Variants in NMNAT2 observed in about 807,000 individuals in gnomAD.
The protein encoded by NMNAT2 is nicotinamide nucleotide adenylyltransferase 2.
Under a neutral mutation model 41.6 loss-of-function variants are expected in NMNAT2, and 11 were observed. The ratio of observed to expected loss-of-function variants is 0.26; its 90% CI spans 0.17 to 0.44. The LOEUF is 0.44. Ranked by LOEUF, NMNAT2 falls within the 20% of genes least tolerant of loss-of-function variation. The pLI is 1.00. For synonymous variants in NMNAT2, 148 were observed against 151.2 expected (o/e 0.98, Z 0.16); for missense variants, 288 against 407.7 (o/e 0.71, Z 2.53).
At chr1:183,258,329 G>A (rs1295159869) in intron 10 of NMNAT2, among the ~76,000 whole-genome samples, 1 of 152,128 alleles carries the variant, frequency 6.6e-6, no homozygotes, top group Non-Finnish European at 1.5e-5. Flanking sequence ...GATCTCACTG[G>A]AGACCAGCTC....
In NMNAT2 at chr1:183,389,873, G is replaced by A. The variant is rs868058410; in HGVS notation, c.85+28310C>T. ...AAAAGAGAAAGAAAGAAAGAAAGAA[G>A]GGAGGGAGGGAGGGAGGGAGGGAGG... On this transcript the variant is annotated intron_variant, in intron 1 of 10. Coordinates refer to ENST00000287713, the MANE Select transcript of NMNAT2 (RefSeq NM_015039.4). Among the ~76,000 whole-genome samples, 17 of 94,860 alleles carry A rather than the reference G, an allele frequency of 1.8e-4. No homozygotes were observed. The East Asian group carries it at 4.1e-3, about 23-fold the overall frequency. 62.2% of individuals were successfully genotyped at this position (94,860 alleles called of 152,430 possible). A position where few individuals can be genotyped will look rare whatever the true frequency, so the allele number is the denominator to read the frequency against.
At chr1:183,338,739 A>G (rs2811554) in intron 1 of NMNAT2, among the ~76,000 whole-genome samples, 2 of 151,904 alleles carry the variant, frequency 1.3e-5, no homozygotes, top group Non-Finnish European at 2.9e-5. Context: ...TTATTATTAA[A>G]CCCGGGACAT....
At chr1:183,339,120 T>C (rs868177494) in intron 1 of NMNAT2, among the ~76,000 whole-genome samples, 1 of 152,008 alleles carries the variant, frequency 6.6e-6, no homozygotes, top group African/African-American at 2.4e-5. Context: ...TTTTTTGAGA[T>C]GGAGTCTCGC....
chr1:183,330,640 C>A (rs1390678709), intron 1 of NMNAT2, among the ~76,000 whole-genome samples: 2 of 152,222 alleles, frequency 1.3e-5, no homozygotes, highest in African/African-American at 2.4e-5. Flanking sequence ...GCTATGCACG[C>A]CTCAGAAAGT....
chr1:183,286,120 G>C (rs907944063), intron 5 of NMNAT2, among the ~76,000 whole-genome samples: 31 of 152,242 alleles, frequency 2.0e-4, no homozygotes, highest in African/African-American at 7.2e-4. Context: ...TCCCAGGCTG[G>C]AGTACAGTGG....
chr1:183,407,839 G>C (rs891174624), intron 1 of NMNAT2, among the ~76,000 whole-genome samples: 5 of 152,196 alleles, frequency 3.3e-5, no homozygotes, highest in Non-Finnish European at 7.3e-5. Flanking sequence ...TTTAAAGAAG[G>C]AGGTAGCTAT....
Position 183,249,914 on chromosome 1 carries a change from A to G in NMNAT2, c.*2727T>C, listed in dbSNP as rs1340291662. 1 of 151,866 alleles carries G rather than the reference A, an allele frequency of 6.6e-6. No individual in the cohort carries two copies. The highest frequency in any genetic ancestry group is 2.4e-5 in the African/African-American group (1 of 41,318). The allele number at this position is 151,866 out of a possible 1,614,324, so 9.4% of individuals were successfully genotyped here. On this transcript the variant is annotated 3_prime_UTR_variant, in exon 11 of 11. Transcript: ENST00000287713. ...TGGCACCTGTTCTTTGTCTTAATTCATCTCACTTTCCCTCCCCACTCCCAC... is the reference window on the plus strand; with the variant it reads ...TGGCACCTGTTCTTTGTCTTAATTCGTCTCACTTTCCCTCCCCACTCCCAC...
At chr1:183,288,281 A>C (rs777161445) in intron 4 of NMNAT2, among the ~76,000 whole-genome samples, 2 of 151,962 alleles carry the variant, frequency 1.3e-5, no homozygotes, top group Non-Finnish European at 2.9e-5. Context: ...GATATTGGAG[A>C]GTTGTCCCAA....
chr1:183,388,337 G>T (rs549147183), intron 1 of NMNAT2, among the ~76,000 whole-genome samples: 4 of 152,218 alleles, frequency 2.6e-5, no homozygotes, highest in Admixed American at 6.5e-5. Flanking sequence ...TAGCAAACTG[G>T]GGGCAGAGTG....
chr1:183,274,046 G>A (rs1661062583), intron 8 of NMNAT2, among the ~76,000 whole-genome samples: 2 of 151,966 alleles, frequency 1.3e-5, no homozygotes, highest in South Asian at 4.2e-4. Context: ...CGGAGTAGCT[G>A]GGATTACAGG....
chr1:183,284,858 G>A lies in NMNAT2; in HGVS notation c.449-68C>T, dbSNP rs1299316923. 12 of 1,348,832 alleles carry A rather than the reference G, an allele frequency of 8.9e-6. No individual in the cohort carries two copies. The East Asian group carries it at 9.2e-5, about 10-fold the overall frequency. The allele number at this position is 1,348,832 out of a possible 1,614,324, so 83.6% of individuals were successfully genotyped here. The stretch of plus-strand genomic sequence containing the variant: ...ACAACTCACAACTGGCACTCATGTC[G>A]GCCCGGCATTGGGGCCGCTGTAAAC... On this transcript the variant is annotated intron_variant, in intron 5 of 10. Transcript: ENST00000287713.
In NMNAT2 at chr1:183,304,600, T is replaced by C. The variant is rs111993147; in HGVS notation, c.86-10807A>G. Reference sequence around the variant, plus strand: ...CTCCGCTGGAGACAGAATCCTGTTTTCTTGACCATCTGCACCTCCCTCCAG... The same window carrying C: ...CTCCGCTGGAGACAGAATCCTGTTTCCTTGACCATCTGCACCTCCCTCCAG... On this transcript the variant is annotated intron_variant, in intron 1 of 10. Transcript: ENST00000287713. 70 of 1,413,354 alleles carry C rather than the reference T, an allele frequency of 5.0e-5. No individual in the cohort carries two copies. The African/African-American group carries it at 7.5e-4, about 15-fold the overall frequency. The allele number at this position is 1,413,354 out of a possible 1,614,324, so 87.6% of individuals were successfully genotyped here. A position where few individuals can be genotyped will look rare whatever the true frequency, so the allele number is the denominator to read the frequency against.
At chr1:183,354,473 G>A (rs2102354575) in intron 1 of NMNAT2, among the ~76,000 whole-genome samples, 1 of 139,710 alleles carries the variant, frequency 7.2e-6, no homozygotes, top group Middle Eastern at 3.9e-3. Context: ...GTGCAGTGGT[G>A]TGATCATGGC....
At chr1:183,398,342 A>T (rs1648713808) in intron 1 of NMNAT2, among the ~76,000 whole-genome samples, 1 of 152,236 alleles carries the variant, frequency 6.6e-6, no homozygotes, top group Non-Finnish European at 1.5e-5. Context: ...AAAGGGATCA[A>T]TTCAACAAGA....
chr1:183,342,501 AC>A (rs1344292769), intron 1 of NMNAT2, among the ~76,000 whole-genome samples: 1 of 152,176 alleles, frequency 6.6e-6, no homozygotes, highest in African/African-American at 2.4e-5. Context: ...CTAAGAAGGA[AC>A]TAGATGATTC....
chr1:183,376,718 G>A (rs2101913682), intron 1 of NMNAT2, among the ~76,000 whole-genome samples: 1 of 152,266 alleles, frequency 6.6e-6, no homozygotes, highest in Admixed American at 6.5e-5. Flanking sequence ...TTAGGATCTT[G>A]AAGATGCATT....
Position 183,418,340 on chromosome 1 carries a change from G to C in NMNAT2, c.-73C>G. On this transcript the variant is annotated 5_prime_UTR_variant, in exon 1 of 11. Coordinates refer to ENST00000287713, the MANE Select transcript of NMNAT2 (RefSeq NM_015039.4). ...GTGTCTCGTTGTGTCTGCAGAGGGAGAAAGGAAGGCGAGGCTCCGGCGGTG... is the reference window on the plus strand; with the variant it reads ...GTGTCTCGTTGTGTCTGCAGAGGGACAAAGGAAGGCGAGGCTCCGGCGGTG... 1 of 1,453,904 alleles carries C rather than the reference G, an allele frequency of 6.9e-7. No individual in the cohort carries two copies. The allele number at this position is 1,453,904 out of a possible 1,614,324, so 90.1% of individuals were successfully genotyped here.
At chr1:183,366,089 T>C (rs1414045581) in intron 1 of NMNAT2, among the ~76,000 whole-genome samples, 1 of 152,208 alleles carries the variant, frequency 6.6e-6, no homozygotes, top group Non-Finnish European at 1.5e-5. Flanking sequence ...AAATAGCAAT[T>C]AGTACCTCCT....
intron 1 of NMNAT2, among the ~76,000 whole-genome samples, chr1:183,385,764 A>G (rs983212116): frequency 1.3e-5 from 2 of 152,252 alleles, no homozygotes; most frequent in Non-Finnish European, 2.9e-5. Context: ...TAAAATCTGC[A>G]TATGGCATCA....
Sources: gnomAD v4.1 joint callset for allele counts (sites outside exome capture counted in the v4.1 genomes callset) on GRCh38, gnomAD v4.1.1 for gene constraint, MANE v1.5 for transcripts, NCBI Gene and HGNC (gene_info 2026-07-23, HGNC 2026-07-21) for gene names.